Variants in CAMK1 observed in about 807,000 individuals in gnomAD.
The protein encoded by CAMK1 is calcium/calmodulin dependent protein kinase I.
A neutral mutation model predicts 49.1 loss-of-function variants in CAMK1; 39 were observed. The observed-to-expected ratio is 0.79, with a 90% CI of 0.62 to 1.04. The LOEUF is 1.04. CAMK1 is among the 50% of genes least tolerant of loss of function. The pLI, the probability that CAMK1 is intolerant of heterozygous loss-of-function variation, is 0.00. For missense variants in CAMK1, 457 were observed against 472.2 expected (o/e 0.97, Z 0.30); for synonymous variants, 192 against 185.2 (o/e 1.04, Z -0.30).
intron 1 of CAMK1, 145 bp from the exon 2 acceptor site, chr3:9,767,926 G>T: frequency 8.0e-7 from 1 of 1,257,222 alleles, no homozygotes; most frequent in South Asian, 1.7e-5. Flanking sequence ...ACATTCATTT[G>T]TTTATTCAAC....
chr3:9,768,199 C>A (rs1245350400), intron 1 of CAMK1, among the ~76,000 whole-genome samples: 1 of 152,186 alleles, frequency 6.6e-6, no homozygotes, highest in African/African-American at 2.4e-5. Flanking sequence ...GCTGGGGTGT[C>A]TCCTTTCCCT....
At chr3:9,762,853 T>C (rs912512414) in intron 5 of CAMK1, 61 bp downstream of exon 5, 1 of 1,555,262 alleles carries the variant, frequency 6.4e-7, no homozygotes, top group African/African-American at 1.4e-5. Context: ...TCAGACAGTT[T>C]GGGGTTTGCA....
At chr3:9,767,623 A>C in intron 2 of CAMK1, 44 bp downstream of exon 2, 1 of 1,611,718 alleles carries the variant, frequency 6.2e-7, no homozygotes, top group Non-Finnish European at 8.5e-7. Context: ...CCCTGGACTC[A>C]GCCTCCCTCA....
At chr3:9,766,394 A>G in intron 2 of CAMK1, 1 of 571,750 alleles carries the variant, frequency 1.7e-6, no homozygotes, top group South Asian at 1.8e-5. Flanking sequence ...GGCTAATTTA[A>G]CACCCTTTAG....
chr3:9,761,823 C>A, intron 5 of CAMK1, 66 bp from the exon 6 acceptor site: 1 of 1,586,280 alleles, frequency 6.3e-7, no homozygotes, highest in Non-Finnish European at 8.6e-7. Context: ...AACCTTCTGC[C>A]GCTCCAAGCA....
At position 9,761,658 on chromosome 3, in the gene CAMK1, T is replaced by C; in HGVS notation, c.529A>G (p.Thr177Ala). The C allele has an allele frequency of 6.2e-7, 1 of 1,613,938 alleles. No individual in the cohort carries two copies. The highest frequency in any genetic ancestry group is 8.5e-7 in the Non-Finnish European group (1 of 1,179,942). ...KMEDPGSVLSTACGTPGYVAP... is the reference protein window; with the variant it reads ...KMEDPGSVLSAACGTPGYVAP... ...ACGTATCCCGGAGTTCCACAGGCGG[T>C]GGAGAGCACACTGCCCGGGTCCTCC... Residue 177 changes from threonine (T) to alanine (A), a missense_variant, in exon 6 of 12, where the codon ACC becomes GCC. Coordinates refer to ENST00000256460, the MANE Select transcript of CAMK1 (RefSeq NM_003656.5).
At position 9,765,834 on chromosome 3, in the gene CAMK1, G is replaced by A; in HGVS notation, c.140C>T (p.Ala47Val). ...AEDKRTQKLV[A>V]IKCIAKEALE... The stretch of plus-strand genomic sequence containing the variant: ...GGCCTCCTTGGCAATGCATTTGATG[G>A]CCACCAGCTTCTGCGTCCTCTTATC... Residue 47 changes from alanine to valine, a missense_variant, in exon 3 of 12, where the codon GCC (alanine) becomes GTC (valine). By Grantham distance (64) the Ala-to-Val change is moderately conservative (BLOSUM62 0). Transcript: ENST00000256460. The A allele has an allele frequency of 6.2e-7, 1 of 1,613,986 alleles. No homozygotes were observed. Among genetic ancestry groups the A allele is most frequent in the Non-Finnish European group, 8.5e-7 (1 of 1,179,980 alleles).
intron 2 of CAMK1, chr3:9,766,559 A>T: frequency 9.9e-6 from 7 of 708,456 alleles, no homozygotes; most frequent in Non-Finnish European, 1.4e-5. Context: ...GTTTAACAAA[A>T]TCCTCAGGTG....
In CAMK1 at chr3:9,759,088, C is replaced by T. The variant is rs2077723323; in HGVS notation, c.912+400G>A. 33 of 1,005,194 alleles carry T rather than the reference C, an allele frequency of 3.3e-5. 1 individual carries two copies. The South Asian group carries it at 3.7e-4, about 11-fold the overall frequency. The allele number at this position is 1,005,194 out of a possible 1,614,324, so 62.3% of individuals were successfully genotyped here. On this transcript the variant is annotated intron_variant, in intron 10 of 11. Transcript: ENST00000256460. ...AATTGGGCTCCTGCCTCTCAGTCCCCTCAGCCCCTCCAGTCTGGCCAGGCT... is the reference window on the plus strand; with the variant it reads ...AATTGGGCTCCTGCCTCTCAGTCCCTTCAGCCCCTCCAGTCTGGCCAGGCT...
At chr3:9,759,439 G>C in intron 10 of CAMK1, 49 bp downstream of exon 10, 11 of 1,612,976 alleles carry the variant, frequency 6.8e-6, no homozygotes, top group Non-Finnish European at 9.3e-6. Flanking sequence ...GGTAGGGATG[G>C]GGAGGAGTCC....
intron 7 of CAMK1, chr3:9,761,083 T>A (rs1298184008): frequency 5.5e-6 from 2 of 361,214 alleles, no homozygotes; most frequent in Non-Finnish European, 1.0e-5. Context: ...TTCCCTGACC[T>A]CCCTACTGAA....
At position 9,757,926 on chromosome 3, in the gene CAMK1, T is replaced by G; in HGVS notation, c.913-80A>C. Reference sequence around the variant, plus strand: ...GTCATGGGGCAGGGGCGCAGTGGGATTCTTGCAATTGTTCTGTTATTTTCA... The same window carrying G: ...GTCATGGGGCAGGGGCGCAGTGGGAGTCTTGCAATTGTTCTGTTATTTTCA... On this transcript the variant is annotated intron_variant, in intron 10 of 11. Coordinates refer to ENST00000256460, the MANE Select transcript of CAMK1 (RefSeq NM_003656.5). The surrounding 1 kb of genome is among the most constrained non-coding windows in gnomAD (Gnocchi z 4.5). 1 of 1,518,134 alleles carries G rather than the reference T, an allele frequency of 6.6e-7. No homozygotes were observed. The highest frequency in any genetic ancestry group is 8.8e-7 in the Non-Finnish European group (1 of 1,132,452). 94.0% of individuals were successfully genotyped at this position (1,518,134 alleles called of 1,614,324 possible). A position where few individuals can be genotyped will look rare whatever the true frequency, so the allele number is the denominator to read the frequency against.
Position 9,761,495 on chromosome 3 carries a change from C to G in CAMK1, c.598G>C (p.Asp200His). 2 of 1,613,434 alleles carry G rather than the reference C, an allele frequency of 1.2e-6. No homozygotes were observed. Among genetic ancestry groups the G allele is most frequent in the Non-Finnish European group, 1.7e-6 (2 of 1,179,652 alleles). ...GCGATGACACCTATGGACCAGCAAT[C>G]CACAGCCTTGCTGTAGGGCTTCTGG... Reference protein sequence around the residue: ...LAQKPYSKAVDCWSIGVIAYI... With the variant: ...LAQKPYSKAVHCWSIGVIAYI... Residue 200 changes from aspartate to histidine, a missense_variant, in exon 7 of 12, where the codon GAT becomes CAT. Asp to His is a moderately conservative substitution (Grantham distance 81). Transcript: ENST00000256460.
At chr3:9,765,659 C>T (rs2078119321) in intron 3 of CAMK1, 100 bp downstream of exon 3, 8 of 1,385,804 alleles carry the variant, frequency 5.8e-6, no homozygotes, top group Admixed American at 1.9e-5. Flanking sequence ...CAATTTAAGG[C>T]TTAGAGAGTT....
In CAMK1 at chr3:9,757,916, C is replaced by T. The variant is rs534985977; in HGVS notation, c.913-70G>A. ...AGAGAGTCAAGTCATGGGGCAGGGG[C>T]GCAGTGGGATTCTTGCAATTGTTCT... On this transcript the variant is annotated intron_variant, in intron 10 of 11. Coordinates refer to ENST00000256460, the MANE Select transcript of CAMK1 (RefSeq NM_003656.5). This position sits in a 1 kb window ranked among gnomAD's most constrained non-coding sequence, Gnocchi z 4.5. 141 of 1,526,576 alleles carry T rather than the reference C, an allele frequency of 9.2e-5. No individual in the cohort carries two copies. Among genetic ancestry groups the T allele is most frequent in the East Asian group, 1.8e-4 (8 of 43,890 alleles). 94.6% of individuals were successfully genotyped at this position (1,526,576 alleles called of 1,614,324 possible).
At chr3:9,766,748 C>T (rs946731317) in intron 2 of CAMK1, 20 of 556,734 alleles carry the variant, frequency 3.6e-5, no homozygotes, top group African/African-American at 3.5e-4. Flanking sequence ...AAGCATCTCT[C>T]GTGGTGAAAT....
Position 9,762,943 on chromosome 3 carries a change from C to A in CAMK1, c.400G>T (p.Asp134Tyr). ...AGATCCCGGTGTACAATGCCCAGGT[C>A]ATGCAGGTATTTCACAGCATCCAGC... is the stretch of plus-strand genomic sequence containing the variant. Reference protein sequence around the residue: ...QVLDAVKYLHDLGIVHRDLKP... With the variant: ...QVLDAVKYLHYLGIVHRDLKP... The change falls in exon 5 of 12, where the codon GAC becomes TAC. Residue 134 changes from aspartate to tyrosine, a missense_variant. Transcript: ENST00000256460. 6.2e-7 allele frequency: 1 copy of A among 1,614,162 alleles called. No individual in the cohort carries two copies. Among genetic ancestry groups the A allele is most frequent in the Non-Finnish European group, 8.5e-7 (1 of 1,180,024 alleles).
chr3:9,759,209 T>C lies in CAMK1; in HGVS notation c.912+279A>G, dbSNP rs115609368. 6.1e-4 allele frequency: 979 copies of C among 1,614,088 alleles called. 5 individuals carry two copies. The Admixed American group carries it at 9.3e-3, about 15-fold the overall frequency. ...CAGCTCTGTCAGGTCATCACCACTT[T>C]TATGACCTTTCTCGGACCCCATAGG... On this transcript the variant is annotated intron_variant, in intron 10 of 11. Coordinates refer to ENST00000256460, the MANE Select transcript of CAMK1 (RefSeq NM_003656.5).
At chr3:9,766,437 C>CT in intron 2 of CAMK1, 1 of 434,026 alleles carries the variant, frequency 2.3e-6, no homozygotes, top group Non-Finnish European at 4.3e-6. Context: ...CACCCGGGAA[C>CT]TTTTTTAGAA....
Sources: allele counts gnomAD v4.1 joint callset (sites outside exome capture counted in the v4.1 genomes callset), GRCh38; gene constraint gnomAD v4.1.1; non-coding constraint Gnocchi (gnomAD v3.1); transcripts MANE v1.5; gene names NCBI Gene and HGNC (gene_info 2026-07-23, HGNC 2026-07-21).